PXDNL: variants seen among roughly 807,000 people sequenced by gnomAD.
PXDNL encodes the protein peroxidasin like.
PXDNL carries 145 observed loss-of-function variants against 150.8 expected under a neutral mutation model. The ratio of observed to expected loss-of-function variants is 0.96; its 90% CI spans 0.84 to 1.10. The LOEUF (loss-of-function observed/expected upper bound fraction) is 1.10, where lower values mean the gene tolerates loss of function less well. Ranked by LOEUF, PXDNL falls within the 50% of genes least tolerant of loss-of-function variation. The pLI, the probability that PXDNL is intolerant of heterozygous loss-of-function variation, is 0.00. For synonymous variants in PXDNL, 757 were observed against 725.7 expected (o/e 1.04, Z -0.69); for missense variants, 2,087 against 1,873.9 (o/e 1.11, Z -2.10).
At chr8:51,321,036 T>G in intron 21 of PXDNL, 139 bp from the exon 22 acceptor site, 5 of 647,472 alleles carry the variant, frequency 7.7e-6, no homozygotes, top group Non-Finnish European at 5.4e-6. Context: ...GCCTACATAA[T>G]TTTTCATTTT....
intron 1 of PXDNL, among the ~76,000 whole-genome samples, chr8:51,779,839 G>C (rs1193718476): frequency 6.6e-6 from 1 of 152,182 alleles, no homozygotes; most frequent in Non-Finnish European, 1.5e-5. Flanking sequence ...CTTGCAGGCT[G>C]TAAGGGGGCA....
At chr8:51,697,804 G>A (rs1364146237) in intron 1 of PXDNL, among the ~76,000 whole-genome samples, 2 of 152,132 alleles carry the variant, frequency 1.3e-5, no homozygotes, top group African/African-American at 2.4e-5. Flanking sequence ...AGACATTACA[G>A]TCCCAAGTTT....
intron 5 of PXDNL, among the ~76,000 whole-genome samples, chr8:51,484,039 T>C (rs964508950): frequency 6.6e-6 from 1 of 152,216 alleles, no homozygotes; most frequent in Non-Finnish European, 1.5e-5. Flanking sequence ...AGTCAATGTA[T>C]TCATTATCAG....
In PXDNL at chr8:51,464,892, T is replaced by C. The variant is rs537833685; in HGVS notation, c.813-7225A>G. 6.1e-4 allele frequency among the ~76,000 whole-genome samples: 93 copies of C among 152,176 alleles called. 2 individuals are homozygous for C. The South Asian group carries it at 0.017, about 28-fold the overall frequency. ...AATAACAATAATAATGATAATGAGTTCTGAAATTGAATCTGTAATAAAAAT... is the reference window on the plus strand; with the variant it reads ...AATAACAATAATAATGATAATGAGTCCTGAAATTGAATCTGTAATAAAAAT... On this transcript the variant is annotated intron_variant, in intron 8 of 22. Transcript: ENST00000356297.
At chr8:51,794,626 C>T (rs1440516061) in intron 1 of PXDNL, among the ~76,000 whole-genome samples, 1 of 152,092 alleles carries the variant, frequency 6.6e-6, no homozygotes, top group Non-Finnish European at 1.5e-5. Context: ...AATTCATCAC[C>T]ACCAGGCCTG....
intron 18 of PXDNL, among the ~76,000 whole-genome samples, chr8:51,372,674 C>T (rs991058265): frequency 5.9e-5 from 9 of 152,198 alleles, no homozygotes; most frequent in African/African-American, 2.2e-4. Context: ...CGTGAGCCAC[C>T]GCACCTAGCC....
intron 19 of PXDNL, among the ~76,000 whole-genome samples, chr8:51,361,072 T>A (rs2915490): frequency 6.6e-6 from 1 of 152,134 alleles, no homozygotes; most frequent in Non-Finnish European, 1.5e-5. Context: ...CCAGGCCCAC[T>A]GTGGCCACTG....
chr8:51,700,280 T>C (rs1035965584), intron 1 of PXDNL, among the ~76,000 whole-genome samples: 1 of 151,030 alleles, frequency 6.6e-6, no homozygotes, highest in East Asian at 1.9e-4. Flanking sequence ...CACACATATA[T>C]ACATACATAC....
chr8:51,779,713 A>G (rs1470330505), intron 1 of PXDNL, among the ~76,000 whole-genome samples: 1 of 152,228 alleles, frequency 6.6e-6, no homozygotes, highest in Non-Finnish European at 1.5e-5. Context: ...CTTGGTAACC[A>G]GAAGGCTGCC....
At chr8:51,750,571 A>T (rs767546333) in intron 1 of PXDNL, among the ~76,000 whole-genome samples, 3 of 152,246 alleles carry the variant, frequency 2.0e-5, no homozygotes, top group Non-Finnish European at 4.4e-5. Context: ...AAACGTCATT[A>T]TGTGGTGCAT....
intron 8 of PXDNL, among the ~76,000 whole-genome samples, chr8:51,460,593 A>G (rs1053925865): frequency 6.6e-6 from 1 of 151,192 alleles, no homozygotes; most frequent in Admixed American, 6.6e-5. Flanking sequence ...GAAGCTGGGA[A>G]GCCTGCACAG....
intron 4 of PXDNL, among the ~76,000 whole-genome samples, chr8:51,519,528 A>G (rs1259235966): frequency 6.6e-6 from 1 of 151,488 alleles, no homozygotes; most frequent in Non-Finnish European, 1.5e-5. Flanking sequence ...GTGAGACACC[A>G]TCTTAAAAAA....
intron 4 of PXDNL, among the ~76,000 whole-genome samples, chr8:51,533,502 CCTCCCT>C (rs1258537863): frequency 0.019 from 2,345 of 125,852 alleles, 13 homozygotes; most frequent in East Asian, 0.055. Flanking sequence ...TCCCCCTCCC[CCTCCCT>C]CTCCCTCTCC....
At chr8:51,613,610 C>A (rs1814068622) in intron 2 of PXDNL, among the ~76,000 whole-genome samples, 1 of 152,038 alleles carries the variant, frequency 6.6e-6, no homozygotes. Flanking sequence ...TGGCTGTCCA[C>A]AATAATTTAG....
chr8:51,437,264 G>T (rs779978414), intron 12 of PXDNL, among the ~76,000 whole-genome samples: 7 of 152,136 alleles, frequency 4.6e-5, no homozygotes, highest in Non-Finnish European at 8.8e-5. Flanking sequence ...GACATTCAAA[G>T]AAGAATTGGT....
chr8:51,409,656 C>T, intron 16 of PXDNL, 95 bp from the exon 17 acceptor site: 7 of 1,028,446 alleles, frequency 6.8e-6, no homozygotes, highest in Non-Finnish European at 9.6e-6. Flanking sequence ...CCTCCCACCC[C>T]GCCCGCCCTG....
chr8:51,465,611 A>C (rs1007727145), intron 8 of PXDNL, among the ~76,000 whole-genome samples: 1 of 152,104 alleles, frequency 6.6e-6, no homozygotes, highest in Non-Finnish European at 1.5e-5. Context: ...AAGTCAAACT[A>C]TCTCTATTTG....
intron 8 of PXDNL, among the ~76,000 whole-genome samples, chr8:51,460,740 G>C (rs1222664413): frequency 6.6e-6 from 1 of 152,044 alleles, no homozygotes; most frequent in African/African-American, 2.4e-5. Context: ...GACCCCCATA[G>C]ACATTTTAAT....
intron 20 of PXDNL, chr8:51,340,197 AATAAG>A (rs1286772978): frequency 6.5e-6 from 1 of 153,324 alleles, no homozygotes; most frequent in Non-Finnish European, 1.5e-5. Flanking sequence ...CAAGAACTAA[AATAAG>A]ATAAGGATAC....
Sources: allele counts gnomAD v4.1 joint callset (sites outside exome capture counted in the v4.1 genomes callset), GRCh38; gene constraint gnomAD v4.1.1; transcripts MANE v1.5; gene names NCBI Gene and HGNC (gene_info 2026-07-23, HGNC 2026-07-21).